PIEZO2: variants seen among roughly 807,000 people sequenced by gnomAD.
The protein encoded by PIEZO2 is piezo type mechanosensitive ion channel component 2, also known as piezo-type mechanosensitive ion channel component 2.
In PIEZO2, 172 loss-of-function variants were observed where a neutral mutation model predicts 337.3. The observed-to-expected ratio is 0.51, with a 90% CI of 0.45 to 0.58. The LOEUF (loss-of-function observed/expected upper bound fraction) is 0.58, where lower values mean the gene tolerates loss of function less well. Ranked by LOEUF, PIEZO2 falls within the 20% of genes least tolerant of loss-of-function variation. PIEZO2 has a pLI of 0.00. For missense variants in PIEZO2, 3,028 were observed against 3,391.3 expected, an observed-to-expected ratio of 0.89 and a Z score of 2.66; for synonymous variants, 1,251 against 1,228.5, an observed-to-expected ratio of 1.02 and a Z score of -0.38.
At chr18:10,842,799 T>A (rs939702894) in intron 7 of PIEZO2, among the ~76,000 whole-genome samples, 3 of 152,254 alleles carry the variant, frequency 2.0e-5, no homozygotes, top group African/African-American at 7.2e-5. Context: ...TATGTGCAGT[T>A]TACTGCATAT....
chr18:11,140,909 G>C (rs1387852663), intron 1 of PIEZO2, among the ~76,000 whole-genome samples: 1 of 152,222 alleles, frequency 6.6e-6, no homozygotes, highest in East Asian at 1.9e-4. Context: ...GGGTGGGGAA[G>C]GAGTGTTCCT....
intron 3 of PIEZO2, among the ~76,000 whole-genome samples, chr18:10,924,753 C>T (rs1329900360): frequency 2.6e-5 from 4 of 152,118 alleles, no homozygotes; most frequent in Non-Finnish European, 5.9e-5. Context: ...TCTCAGTTTC[C>T]ATAGGCGGAG....
In PIEZO2 at chr18:10,847,494, C is replaced by T. The variant is rs75074993; in HGVS notation, c.917+7859G>A. Reference sequence around the variant, plus strand: ...TGGATAAACACGCAGTGCAAAGGCCCGTGGGCTCGGCGAGAAGCCACAGTT... The same window carrying T: ...TGGATAAACACGCAGTGCAAAGGCCTGTGGGCTCGGCGAGAAGCCACAGTT... On this transcript the variant is annotated intron_variant, in intron 7 of 55. Coordinates refer to ENST00000674853, the MANE Select transcript of PIEZO2 (RefSeq NM_001378183.1). This position sits in a 1 kb window ranked among gnomAD's most constrained non-coding sequence, Gnocchi z 5.7. Among the ~76,000 whole-genome samples, 2,217 of 152,282 alleles carry T rather than the reference C, an allele frequency of 0.015. 92 individuals carry two copies. Among genetic ancestry groups the T allele is most frequent in the East Asian group, 0.094 (486 of 5,180 alleles).
At position 10,705,321 on chromosome 18, in the gene PIEZO2, T is replaced by C; in HGVS notation, c.5999+15A>G. The C allele has an allele frequency of 6.6e-7, 1 of 1,522,576 alleles. No homozygotes were observed. The highest frequency in any genetic ancestry group is 2.4e-5 in the East Asian group (1 of 40,822). 94.3% of individuals were successfully genotyped at this position (1,522,576 alleles called of 1,614,324 possible). A position where few individuals can be genotyped will look rare whatever the true frequency, so the allele number is the denominator to read the frequency against. ...ATTTGGGGATATGTGTCTGATCTGTTCACTGGACCCTTACTTTTTCAGCAG... is the reference window on the plus strand; with the variant it reads ...ATTTGGGGATATGTGTCTGATCTGTCCACTGGACCCTTACTTTTTCAGCAG... On this transcript the variant is annotated intron_variant, in intron 41 of 55. Transcript: ENST00000674853.
Position 11,097,623 on chromosome 18 carries a change from G to T in PIEZO2, c.65-31401C>A, listed in dbSNP as rs908688745. Among the ~76,000 whole-genome samples, 3 of 152,174 alleles carry T rather than the reference G, an allele frequency of 2.0e-5. No individual in the cohort carries two copies. Among genetic ancestry groups the T allele is most frequent in the Non-Finnish European group, 4.4e-5 (3 of 68,030 alleles). On this transcript the variant is annotated intron_variant, in intron 1 of 55. Coordinates refer to ENST00000674853, the MANE Select transcript of PIEZO2 (RefSeq NM_001378183.1). The surrounding 1 kb of genome is among the most constrained non-coding windows in gnomAD (Gnocchi z 5.0). ...CAAAACAAGTTGTCTTCACCTGGATGCTCCCCTTCACATATTAGTTTCATT... is the reference window on the plus strand; with the variant it reads ...CAAAACAAGTTGTCTTCACCTGGATTCTCCCCTTCACATATTAGTTTCATT...
At chr18:10,776,140 T>A (rs993922920) in intron 18 of PIEZO2, among the ~76,000 whole-genome samples, 1 of 152,228 alleles carries the variant, frequency 6.6e-6, no homozygotes, top group African/African-American at 2.4e-5. Context: ...ATTTTTATGG[T>A]AACATTGTTT....
chr18:10,936,440 A>T (rs975715760), intron 3 of PIEZO2, among the ~76,000 whole-genome samples: 3 of 152,174 alleles, frequency 2.0e-5, no homozygotes, highest in Admixed American at 2.0e-4. Context: ...AACAAAAAAA[A>T]GTCTTAGGAA....
rs186130347 is a variant in PIEZO2, at chr18:10,985,220, T to A, written c.161-5560A>T. Among the ~76,000 whole-genome samples the A allele has an allele frequency of 2.9e-4, 44 of 152,184 alleles. 1 individual carries two copies. Among genetic ancestry groups the A allele is most frequent in the South Asian group, 1.5e-3 (7 of 4,824 alleles). ...TGGTGATATGTAAATCATATTGAAC[T>A]CTAATATAAAAGTTAAAATACAAAA... On this transcript the variant is annotated intron_variant, in intron 2 of 55. Coordinates refer to ENST00000674853, the MANE Select transcript of PIEZO2 (RefSeq NM_001378183.1).
rs923644708 is a variant in PIEZO2, at chr18:11,001,623, A to G, written c.161-21963T>C. On this transcript the variant is annotated intron_variant, in intron 2 of 55. Coordinates refer to ENST00000674853, the MANE Select transcript of PIEZO2 (RefSeq NM_001378183.1). This position sits in a 1 kb window ranked among gnomAD's most constrained non-coding sequence, Gnocchi z 5.3. ...CAGGGTGTGGTGGCTCGTGCCTGTA[A>G]TCTCAGCACTTTGGGAGGCTGAGGT... is the stretch of plus-strand genomic sequence containing the variant. Among the ~76,000 whole-genome samples, 1 of 152,036 alleles carries G rather than the reference A, an allele frequency of 6.6e-6. No homozygotes were observed. The highest frequency in any genetic ancestry group is 1.5e-5 in the Non-Finnish European group (1 of 68,020).
chr18:10,838,330 C>G (rs2041083794), intron 7 of PIEZO2, among the ~76,000 whole-genome samples: 1 of 152,080 alleles, frequency 6.6e-6, no homozygotes, highest in Non-Finnish European at 1.5e-5. Context: ...ATGCCAAACC[C>G]ATAGATATTT....
At chr18:11,085,146 T>C (rs2038869844) in intron 1 of PIEZO2, among the ~76,000 whole-genome samples, 1 of 152,186 alleles carries the variant, frequency 6.6e-6, no homozygotes, top group Admixed American at 6.5e-5. Context: ...TCAGAGAGGA[T>C]AAATATTTTG....
Position 10,784,907 on chromosome 18 carries a change from C to A in PIEZO2, c.2369G>T (p.Arg790Leu). 1 of 1,537,244 alleles carries A rather than the reference C, an allele frequency of 6.5e-7. No individual in the cohort carries two copies. Among genetic ancestry groups the A allele is most frequent in the Non-Finnish European group, 8.7e-7 (1 of 1,146,856 alleles). The change falls in exon 17 of 56, where the codon CGC (arginine) becomes CTC (leucine). Residue 790 changes from arginine to leucine, a missense_variant. Transcript: ENST00000674853. This position sits in a 1 kb window ranked among gnomAD's most constrained non-coding sequence, Gnocchi z 4.5. The stretch of plus-strand genomic sequence containing the variant: ...CAGAAAGGAGGTTGGGATGAATATG[C>A]GAGTGAATAGTTCAGCCACAGTAAA... ...KQFTVAELFT[R>L]IFIPTSFLLV...
intron 51 of PIEZO2, among the ~76,000 whole-genome samples, 158 bp from the exon 52 acceptor site, chr18:10,680,529 A>T (rs969991470): frequency 1.3e-5 from 2 of 152,230 alleles, no homozygotes; most frequent in Non-Finnish European, 2.9e-5. Context: ...CATTGCACTA[A>T]TTTGGCTTCC....
rs781729579 is a variant in PIEZO2 at position 10,945,097 on chromosome 18, G to A, written c.287-33869C>T. ...GATTGCAGCACAGAAGAAGGGCCCCGGAGATCTGTGAATTCAGCCAAGTAG... is the reference window on the plus strand; with the variant it reads ...GATTGCAGCACAGAAGAAGGGCCCCAGAGATCTGTGAATTCAGCCAAGTAG... On this transcript the variant is annotated intron_variant, in intron 3 of 55. Transcript: ENST00000674853. This position sits in a 1 kb window ranked among gnomAD's most constrained non-coding sequence, Gnocchi z 4.0. Among the ~76,000 whole-genome samples, 17 of 152,222 alleles carry A rather than the reference G, an allele frequency of 1.1e-4. No individual in the cohort carries two copies. Among genetic ancestry groups the A allele is most frequent in the African/African-American group, 2.4e-4 (10 of 41,552 alleles).
Position 10,789,178 on chromosome 18 carries a change from G to A in PIEZO2, c.2070C>T (p.Val690=), listed in dbSNP as rs2039328455. The A allele has an allele frequency of 6.5e-7, 1 of 1,537,156 alleles. No individual in the cohort carries two copies. Among genetic ancestry groups the A allele is most frequent in the African/African-American group, 1.4e-5 (1 of 73,048 alleles). The change falls in exon 15 of 56, where the codon GTC becomes GTT. Residue 690 remains valine, a synonymous_variant. Transcript: ENST00000674853. ...TGACGAAGAAGAACATGCCTCCGCA[G>A]ACGTAGATCCAGTACTTGATGAACA... The part of the protein sequence containing the change: ...VAMFIKYWIY[V]CGGMFFFVSF...
chr18:10,803,870 C>T lies in PIEZO2; in HGVS notation c.1200+5G>A. ...GGAACGGAAATCCCTTTCATCATGG[C>T]TTACTTTTCTCTCATCAGTGGGGTA... On this transcript the variant is annotated splice_donor_5th_base_variant and intron_variant, in intron 9 of 55. Coordinates refer to ENST00000674853, the MANE Select transcript of PIEZO2 (RefSeq NM_001378183.1). The T allele has an allele frequency of 6.5e-7, 1 of 1,536,226 alleles. No homozygotes were observed. The highest frequency in any genetic ancestry group is 8.7e-7 in the Non-Finnish European group (1 of 1,146,670).
At chr18:10,745,174 G>A (rs562333826) in intron 30 of PIEZO2, among the ~76,000 whole-genome samples, 5 of 152,282 alleles carry the variant, frequency 3.3e-5, no homozygotes, top group African/African-American at 7.2e-5. Context: ...TGCAGGGACA[G>A]TGGAAGAGGT....
rs2031946902 is a variant in PIEZO2, at chr18:10,929,328, C to T, written c.287-18100G>A. 6.6e-6 allele frequency among the ~76,000 whole-genome samples: 1 copy of T among 152,158 alleles called. No individual in the cohort carries two copies. Among genetic ancestry groups the T allele is most frequent in the African/African-American group, 2.4e-5 (1 of 41,432 alleles). On this transcript the variant is annotated intron_variant, in intron 3 of 55. Coordinates refer to ENST00000674853, the MANE Select transcript of PIEZO2 (RefSeq NM_001378183.1). The surrounding 1 kb of genome is among the most constrained non-coding windows in gnomAD (Gnocchi z 5.6). Reference sequence around the variant, plus strand: ...TTATGCTGCTGCATGCATGGGTACCCCACATATGCTGTTGTGACTGAGGCA... The same window carrying T: ...TTATGCTGCTGCATGCATGGGTACCTCACATATGCTGTTGTGACTGAGGCA...
rs376037058 is a variant in PIEZO2 at position 10,951,245 on chromosome 18, A to G, written c.286+28290T>C. On this transcript the variant is annotated intron_variant, in intron 3 of 55. Transcript: ENST00000674853. ...AAAGAACTTTCTCACAAGACAATAC[A>G]TAACATTTCCCTTCTTTATAAAACC... 5.9e-5 allele frequency among the ~76,000 whole-genome samples: 9 copies of G among 152,320 alleles called. No individual in the cohort carries two copies. The South Asian group carries it at 1.9e-3, about 32-fold the overall frequency.
Sources: gnomAD v4.1 joint callset for allele counts (sites outside exome capture counted in the v4.1 genomes callset) on GRCh38, gnomAD v4.1.1 for gene constraint, Gnocchi (gnomAD v3.1) non-coding constraint, MANE v1.5 for transcripts, NCBI Gene and HGNC (gene_info 2026-07-23, HGNC 2026-07-21) for gene names.